SRA1: variants seen among roughly 807,000 people sequenced by gnomAD.
SRA1 encodes lncRNA SRA.
SRA1 carries 25 observed loss-of-function variants against 24.3 expected under a neutral mutation model. The ratio of observed to expected loss-of-function variants is 1.03; its 90% CI spans 0.75 to 1.43. The LOEUF (loss-of-function observed/expected upper bound fraction) is 1.43, where lower values mean the gene tolerates loss of function less well. Among genes scored for constraint, SRA1 ranks in the 40% most tolerant of loss-of-function variants. The pLI, the probability that SRA1 is intolerant of heterozygous loss-of-function variation, is 0.00. For synonymous variants in SRA1, 104 were observed against 109.5 expected, an observed-to-expected ratio of 0.95 and a Z score of 0.31; for missense variants, 303 against 286.6, an observed-to-expected ratio of 1.06 and a Z score of -0.41.
rs376018452 is a variant in SRA1 at position 140,550,662 on chromosome 5, A to G, written c.*38T>C. On this transcript the variant is annotated 3_prime_UTR_variant, in exon 5 of 5. Coordinates refer to ENST00000336283, the MANE Select transcript of SRA1 (RefSeq NM_001035235.4). Reference sequence around the variant, plus strand: ...CCAAGTGACAGAAGGTCTCCAAGGCATAGGAGATGGTGTCCGGTGAGTCTG... The same window carrying G: ...CCAAGTGACAGAAGGTCTCCAAGGCGTAGGAGATGGTGTCCGGTGAGTCTG... 89 of 1,585,436 alleles carry G rather than the reference A, an allele frequency of 5.6e-5. No individual in the cohort carries two copies. The Middle Eastern group carries it at 1.3e-3, about 24-fold the overall frequency.
In SRA1 at chr5:140,551,909, T is replaced by A; in HGVS notation, c.354+73A>T. 4 of 1,393,502 alleles carry A rather than the reference T, an allele frequency of 2.9e-6. No homozygotes were observed. The South Asian group carries it at 5.0e-5, about 17-fold the overall frequency. 86.3% of individuals were successfully genotyped at this position (1,393,502 alleles called of 1,614,324 possible). A position where few individuals can be genotyped will look rare whatever the true frequency, so the allele number is the denominator to read the frequency against. On this transcript the variant is annotated intron_variant, in intron 3 of 4. Coordinates refer to ENST00000336283, the MANE Select transcript of SRA1 (RefSeq NM_001035235.4). The stretch of plus-strand genomic sequence containing the variant: ...AACCTGTCCACTGGGTCAGAGGGTC[T>A]ATCTCTGGGAACCATTCCTGCATTT...
chr5:140,557,443 G>A lies in SRA1; in HGVS notation c.10C>T (p.Leu4=), dbSNP rs764690490. 1.3e-6 allele frequency: 2 copies of A among 1,564,190 alleles called. No individual in the cohort carries two copies. The highest frequency in any genetic ancestry group is 1.7e-6 in the Non-Finnish European group (2 of 1,155,958). The change falls in exon 1 of 5, where the codon CTG becomes TTG. Residue 4 remains leucine, a synonymous_variant. Transcript: ENST00000336283. MAE[L]YVKPGNKERG... ...CTGCGCTCACCCGGCTTCACGTACAGCTCCGCCATCTCCACTTCCGCTTGG... is the reference window on the plus strand; with the variant it reads ...CTGCGCTCACCCGGCTTCACGTACAACTCCGCCATCTCCACTTCCGCTTGG...
upstream of SRA1, chr5:140,557,498 G>C: frequency 6.5e-7 from 1 of 1,540,600 alleles, no homozygotes; most frequent in Non-Finnish European, 8.7e-7. Flanking sequence ...TTTCCGGGGC[G>C]GCCCCTCACG....
chr5:140,551,207 A>G, intron 3 of SRA1, 38 bp from the exon 4 acceptor site: 1 of 1,535,234 alleles, frequency 6.5e-7, no homozygotes, highest in Non-Finnish European at 9.0e-7. Flanking sequence ...CAGTGCTGCC[A>G]GCCCAATGAG....
At chr5:140,556,824 T>A (rs1419225491) in intron 2 of SRA1, among the ~76,000 whole-genome samples, 1 of 152,174 alleles carries the variant, frequency 6.6e-6, no homozygotes, top group Non-Finnish European at 1.5e-5. Flanking sequence ...GACAAATGAA[T>A]ATGCCACTAT....
upstream of SRA1, chr5:140,557,595 G>A: frequency 1.0e-6 from 1 of 970,256 alleles, no homozygotes; most frequent in South Asian, 1.7e-5. Flanking sequence ...GGGAGCCGCT[G>A]TGGGGACCCT....
intron 3 of SRA1, chr5:140,551,412 A>C (rs1172953003): frequency 8.9e-6 from 4 of 448,818 alleles, no homozygotes; most frequent in Non-Finnish European, 1.6e-5. Flanking sequence ...GAATTCTCTC[A>C]TCTTCCCACC....
At chr5:140,552,567 C>T (rs1176346940) in intron 2 of SRA1, among the ~76,000 whole-genome samples, 5 of 151,534 alleles carry the variant, frequency 3.3e-5, no homozygotes, top group African/African-American at 1.2e-4. Flanking sequence ...GCAGGAGAAT[C>T]GCTTGAACCC....
intron 3 of SRA1, 46 bp downstream of exon 3, chr5:140,551,936 G>C: frequency 6.4e-7 from 1 of 1,550,962 alleles, no homozygotes; most frequent in Non-Finnish European, 8.9e-7. Context: ...CCTGCATTTG[G>C]CTGTGGATGG....
rs756851069 is a variant in SRA1, at chr5:140,551,211, C to G, written c.355-42G>C. The G allele has an allele frequency of 1.7e-5, 25 of 1,513,074 alleles. No homozygotes were observed. In the East Asian group the frequency reaches 5.6e-4, roughly 34 times the overall value. The allele number at this position is 1,513,074 out of a possible 1,614,324, so 93.7% of individuals were successfully genotyped here. A position where few individuals can be genotyped will look rare whatever the true frequency, so the allele number is the denominator to read the frequency against. On this transcript the variant is annotated intron_variant, in intron 3 of 4. Coordinates refer to ENST00000336283, the MANE Select transcript of SRA1 (RefSeq NM_001035235.4). ...CCCCTCCAATTCAGTGCTGCCAGCC[C>G]AATGAGGGGAGGAGAGGGGAAGACA...
intron 1 of SRA1, 55 bp from the exon 2 acceptor site, chr5:140,557,327 C>CG: frequency 6.2e-7 from 1 of 1,605,210 alleles, no homozygotes; most frequent in East Asian, 2.2e-5. Flanking sequence ...TTAGCTTATA[C>CG]TGGGGCTGGG....
rs768937714 is a variant in SRA1 at position 140,552,180 on chromosome 5, G to C, written c.156C>G (p.Pro52=). 4.5e-6 allele frequency: 7 copies of C among 1,564,940 alleles called. No homozygotes were observed. The East Asian group carries it at 1.2e-4, about 26-fold the overall frequency. ...AAPQDGSPRV[P]ASETSPGPPP... is the part of the protein sequence containing the mutation. ...GAGGCCCAGGAGAAGTCTCTGATGC[G>C]GGGACTGAAAAGGTACAGCAGGATC... The change falls in exon 3 of 5, where the codon CCC becomes CCG. Residue 52 remains proline, a synonymous_variant. Transcript: ENST00000336283.
At position 140,557,233 on chromosome 5, in the gene SRA1, G is replaced by C. The variant is rs534062987; in HGVS notation, c.65C>G (p.Ser22Ter). 1 of 1,613,248 alleles carries C rather than the reference G, an allele frequency of 6.2e-7. No homozygotes were observed. The highest frequency in any genetic ancestry group is 2.2e-5 in the East Asian group (1 of 44,872). ...ERGWNDPPQFSYGLQTQAGGP... is the reference protein window; with the variant it reads ...ERGWNDPPQF ...GCCGGCCTGGGTCTGCAGCCCGTAT[G>C]AGAACTGCGGCGGGTCGTTCCAGCC... The change falls in exon 2 of 5, where the codon TCA (serine) becomes TGA (stop). Residue 22 changes from serine (S) to a stop codon, truncating the protein, a stop_gained. Coordinates refer to ENST00000336283, the MANE Select transcript of SRA1 (RefSeq NM_001035235.4). LOFTEE classifies it high-confidence loss of function.
chr5:140,553,952 A>G (rs941206874), intron 2 of SRA1, among the ~76,000 whole-genome samples: 1 of 152,228 alleles, frequency 6.6e-6, no homozygotes, highest in Non-Finnish European at 1.5e-5. Flanking sequence ...GACAAAAGTC[A>G]AAAGTTTACT....
In SRA1 at chr5:140,557,168, G is replaced by C. The variant is rs199663232; in HGVS notation, c.130C>G (p.Pro44Ala). 6.2e-7 allele frequency: 1 copy of C among 1,612,836 alleles called. No homozygotes were observed. Among genetic ancestry groups the C allele is most frequent in the African/African-American group, 1.3e-5 (1 of 74,946 alleles). Residue 44 changes from proline to alanine, a missense_variant, in exon 2 of 5, where the codon CCC (proline) becomes GCC (alanine). Coordinates refer to ENST00000336283, the MANE Select transcript of SRA1 (RefSeq NM_001035235.4). ...RSLLTKRVAA[P>A]QDGSPRVPAS... ...GCACCTCTGGGGGATCCATCCTGGG[G>C]TGCGGCGACCCTCTTGGTAAGCAGC...
Position 140,555,530 on chromosome 5 carries a change from G to T in SRA1, c.151+1617C>A, listed in dbSNP as rs528572862. On this transcript the variant is annotated intron_variant, in intron 2 of 4. Coordinates refer to ENST00000336283, the MANE Select transcript of SRA1 (RefSeq NM_001035235.4). Reference sequence around the variant, plus strand: ...TTACAGCCGTGACTCACTGCGCCTGGCCTCTCCTTTTTTCTTCTTTGGCCA... The same window carrying T: ...TTACAGCCGTGACTCACTGCGCCTGTCCTCTCCTTTTTTCTTCTTTGGCCA... 8.5e-5 allele frequency among the ~76,000 whole-genome samples: 13 copies of T among 152,262 alleles called. No homozygotes were observed. The East Asian group carries it at 1.9e-3, about 23-fold the overall frequency.
chr5:140,550,923 C>G lies in SRA1; in HGVS notation c.464-12G>C. ...GTGGCTTGAAAGCTCTGAAGAGAGA[C>G]GGGGGTTGAGCAAGCAGCCTGTGGT... On this transcript the variant is annotated splice_polypyrimidine_tract_variant and intron_variant, in intron 4 of 4. Transcript: ENST00000336283. The G allele has an allele frequency of 6.2e-7, 1 of 1,613,290 alleles. No homozygotes were observed. Among genetic ancestry groups the G allele is most frequent in the East Asian group, 2.2e-5 (1 of 44,888 alleles).
intron 2 of SRA1, among the ~76,000 whole-genome samples, chr5:140,554,788 C>T (rs1754647637): frequency 6.6e-6 from 1 of 151,134 alleles, no homozygotes; most frequent in Admixed American, 6.6e-5. Context: ...CACATTCTCT[C>T]CTCAGCCCAT....
At chr5:140,553,455 G>A (rs1361398369) in intron 2 of SRA1, among the ~76,000 whole-genome samples, 5 of 152,202 alleles carry the variant, frequency 3.3e-5, no homozygotes, top group African/African-American at 1.2e-4. Context: ...TTAGAGCAGT[G>A]CCCAAGAAGC....
Sources: allele counts gnomAD v4.1 joint callset (sites outside exome capture counted in the v4.1 genomes callset), GRCh38; gene constraint gnomAD v4.1.1; transcripts MANE v1.5; gene names NCBI Gene and HGNC (gene_info 2026-07-23, HGNC 2026-07-21).